DROSHA: variants seen among roughly 807,000 people sequenced by gnomAD.
DROSHA encodes the protein ribonuclease 3.
A neutral mutation model predicts 181.9 loss-of-function variants in DROSHA; 56 were observed. The observed-to-expected ratio is 0.31, with a 90% CI of 0.25 to 0.38. The LOEUF is 0.38. Among genes scored for constraint, DROSHA ranks in the 10% least tolerant of loss-of-function variants. DROSHA has a pLI of 1.00. For missense variants in DROSHA, 1,218 were observed against 1,743.5 expected, an observed-to-expected ratio of 0.70 and a Z score of 5.37; for synonymous variants, 524 against 591.2, an observed-to-expected ratio of 0.89 and a Z score of 1.65.
At chr5:31,518,466 G>A (rs10051435) in intron 6 of DROSHA, among the ~76,000 whole-genome samples, 83,250 of 152,026 alleles carry the variant, frequency 0.55, 22,975 homozygotes, top group African/African-American at 0.63. Flanking sequence ...TAAATTATTT[G>A]TTAATAACTT....
chr5:31,402,268 T>C (rs549710756), intron 35 of DROSHA, among the ~76,000 whole-genome samples: 87 of 152,296 alleles, frequency 5.7e-4, no homozygotes, highest in African/African-American at 2.0e-3. Flanking sequence ...TTAAGGACAA[T>C]GCGTAGTGAA....
chr5:31,486,792 A>C, intron 13 of DROSHA: 1 of 426,520 alleles, frequency 2.3e-6, no homozygotes, highest in East Asian at 4.0e-5. Context: ...GTGCTTAATT[A>C]ACAGTATTAG....
intron 20 of DROSHA, among the ~76,000 whole-genome samples, chr5:31,462,722 G>A (rs1051236925): frequency 6.6e-6 from 1 of 151,212 alleles, no homozygotes; most frequent in Non-Finnish European, 1.5e-5. Flanking sequence ...TACAGGAGGT[G>A]GGGGAGAAAT....
chr5:31,447,145 C>T (rs924343154), intron 23 of DROSHA, among the ~76,000 whole-genome samples: 2 of 152,150 alleles, frequency 1.3e-5, no homozygotes, highest in African/African-American at 4.8e-5. Context: ...AGGCCATTAT[C>T]CTTAGCAAAC....
intron 20 of DROSHA, among the ~76,000 whole-genome samples, chr5:31,463,720 T>G (rs1748687326): frequency 6.6e-6 from 1 of 152,246 alleles, no homozygotes; most frequent in Non-Finnish European, 1.5e-5. Flanking sequence ...GTTACTCTAT[T>G]GCGTTCACCC....
intron 35 of DROSHA, 83 bp from the exon 36 acceptor site, chr5:31,401,645 A>G (rs1007169576): frequency 1.1e-6 from 1 of 900,418 alleles, no homozygotes; most frequent in Non-Finnish European, 1.4e-6. Flanking sequence ...AAACATATAC[A>G]CATACAAATA....
chr5:31,408,290 T>G (rs914635622), intron 33 of DROSHA, among the ~76,000 whole-genome samples: 1 of 152,228 alleles, frequency 6.6e-6, no homozygotes, highest in African/African-American at 2.4e-5. Flanking sequence ...GAAACAGTTT[T>G]GAAACAATCT....
chr5:31,401,719 C>T (rs972403908), intron 35 of DROSHA, among the ~76,000 whole-genome samples, 157 bp from the exon 36 acceptor site: 49 of 152,088 alleles, frequency 3.2e-4, no homozygotes, highest in Admixed American at 5.2e-4. Context: ...CTGTTTTCTT[C>T]CCTTATTCTT....
intron 12 of DROSHA, among the ~76,000 whole-genome samples, chr5:31,494,694 A>AT (rs146953274): frequency 6.6e-6 from 1 of 151,380 alleles, no homozygotes; most frequent in Non-Finnish European, 1.5e-5. Context: ...TCAAAAAAAA[A>AT]TTTTTTTTTT....
chr5:31,444,938 A>G (rs944339443), intron 23 of DROSHA, among the ~76,000 whole-genome samples: 1 of 152,220 alleles, frequency 6.6e-6, no homozygotes, highest in African/African-American at 2.4e-5. Flanking sequence ...AGGCAAGTCA[A>G]TTTTTTAAAA....
chr5:31,469,296 G>A (rs1465371203), intron 17 of DROSHA, among the ~76,000 whole-genome samples: 1 of 152,072 alleles, frequency 6.6e-6, no homozygotes, highest in African/African-American at 2.4e-5. Flanking sequence ...GGCGGAGGTT[G>A]TAGTGAGCTG....
chr5:31,487,813 C>T (rs964432920), intron 13 of DROSHA, among the ~76,000 whole-genome samples: 2 of 152,124 alleles, frequency 1.3e-5, no homozygotes, highest in African/African-American at 4.8e-5. Context: ...TAGCCATTAT[C>T]ATTTTTAAGT....
intron 16 of DROSHA, among the ~76,000 whole-genome samples, chr5:31,481,800 G>A (rs1188804578): frequency 6.6e-6 from 1 of 152,188 alleles, no homozygotes; most frequent in African/African-American, 2.4e-5. Flanking sequence ...AGCCACACAA[G>A]AGGAGTCAAA....
At chr5:31,453,177 AG>A (rs1399342179) in intron 20 of DROSHA, among the ~76,000 whole-genome samples, 1 of 152,178 alleles carries the variant, frequency 6.6e-6, no homozygotes, top group Non-Finnish European at 1.5e-5. Context: ...AACCCTCTTT[AG>A]AGTTTGCTGA....
intron 27 of DROSHA, 35 bp from the exon 28 acceptor site, chr5:31,424,506 G>A: frequency 1.9e-6 from 3 of 1,573,778 alleles, no homozygotes; most frequent in Non-Finnish European, 1.7e-6. Flanking sequence ...ATGCTCAAGG[G>A]AGCCATTTAA....
At chr5:31,437,209 G>A (rs955337398) in intron 24 of DROSHA, 30 bp downstream of exon 24, 1 of 1,551,174 alleles carries the variant, frequency 6.4e-7, no homozygotes, top group African/African-American at 1.4e-5. Context: ...AATTATTGAG[G>A]AATTGTAAAA....
intron 10 of DROSHA, among the ~76,000 whole-genome samples, chr5:31,507,850 G>C (rs1215754636): frequency 6.6e-6 from 1 of 152,102 alleles, no homozygotes; most frequent in Non-Finnish European, 1.5e-5. Context: ...AAACATTTCT[G>C]CTCAATTCCA....
Position 31,504,414 on chromosome 5 carries a change from G to A in DROSHA, c.1668+141C>T, listed in dbSNP as rs1444539379. The A allele has an allele frequency of 3.2e-6, 3 of 936,784 alleles. No homozygotes were observed. The African/African-American group carries it at 5.0e-5, about 16-fold the overall frequency. 58.0% of individuals were successfully genotyped at this position (936,784 alleles called of 1,614,324 possible). On this transcript the variant is annotated intron_variant, in intron 11 of 35. Transcript: ENST00000344624. ...TCCCAAAACCCAAGTGCTTTCCTCT[G>A]CAATTATCAGTAAGAGACTATTAGG...
In DROSHA at chr5:31,526,215, G is replaced by C; in HGVS notation, c.718C>G (p.Arg240Gly). ...DHRHRDHSHG[R>G]GERHRSLDRR... ...TCCAGGGACCGATGCCTCTCACCTCGCCCATGACTGTGATCTCGGTGCCTG... is the reference window on the plus strand; with the variant it reads ...TCCAGGGACCGATGCCTCTCACCTCCCCCATGACTGTGATCTCGGTGCCTG... Residue 240 changes from arginine (R) to glycine (G), a missense_variant, in exon 5 of 36, where the codon CGA becomes GGA. This residue lies in a region of DROSHA where 536 missense variants were observed against 535.4 expected (regional missense o/e 1.00). Transcript: ENST00000344624. 6.2e-7 allele frequency: 1 copy of C among 1,613,756 alleles called. No individual in the cohort carries two copies. Among genetic ancestry groups the C allele is most frequent in the Non-Finnish European group, 8.5e-7 (1 of 1,179,854 alleles).
Sources: gnomAD v4.1 joint callset for allele counts (sites outside exome capture counted in the v4.1 genomes callset) on GRCh38, gnomAD v4.1.1 for gene constraint, gnomAD v4.1.1 regional missense constraint, MANE v1.5 for transcripts, NCBI Gene and HGNC (gene_info 2026-07-23, HGNC 2026-07-21) for gene names.